SRGAP3: variants seen among roughly 807,000 people sequenced by gnomAD.
The protein encoded by SRGAP3 is SLIT-ROBO Rho GTPase activating protein 3.
In SRGAP3, 39 loss-of-function variants were observed where a neutral mutation model predicts 121.1. The ratio of observed to expected loss-of-function variants is 0.32; its 90% CI spans 0.25 to 0.42. The LOEUF (loss-of-function observed/expected upper bound fraction) is 0.42. Ranked by LOEUF, SRGAP3 falls within the 10% of genes least tolerant of loss-of-function variation. The pLI, the probability that SRGAP3 is intolerant of heterozygous loss-of-function variation, is 1.00. For missense variants in SRGAP3, 1,213 were observed against 1,470.6 expected, an observed-to-expected ratio of 0.82 and a Z score of 2.86; for synonymous variants, 601 against 570.0, an observed-to-expected ratio of 1.05 and a Z score of -0.77.
Position 9,064,449 on chromosome 3 carries a change from C to A in SRGAP3, c.619G>T (p.Asp207Tyr). 6.2e-7 allele frequency: 1 copy of A among 1,614,244 alleles called. No homozygotes were observed. The highest frequency in any genetic ancestry group is 8.5e-7 in the Non-Finnish European group (1 of 1,180,048). Residue 207 changes from aspartate (D) to tyrosine (Y), a missense_variant, in exon 5 of 22, where the codon GAC becomes TAC. By Grantham distance (160) the Asp-to-Tyr change is radical (BLOSUM62 -3). This residue lies in a region of SRGAP3 where 793 missense variants were observed against 1,032.9 expected (regional missense o/e 0.77). Transcript: ENST00000383836. Reference sequence around the variant, plus strand: ...ACAGAGCTGCGGCGCTGGGGCCGGTCCTCGTGCCGGAGCAGGTTCATGCTG... The same window carrying A: ...ACAGAGCTGCGGCGCTGGGGCCGGTACTCGTGCCGGAGCAGGTTCATGCTG... Reference protein sequence around the residue: ...DLSMNLLRHEDRPQRRSSVKK... With the variant: ...DLSMNLLRHEYRPQRRSSVKK...
At chr3:8,988,504 T>G (rs931916813) in intron 21 of SRGAP3, among the ~76,000 whole-genome samples, 5 of 152,098 alleles carry the variant, frequency 3.3e-5, no homozygotes, top group African/African-American at 1.2e-4. Flanking sequence ...GCTGTCAAAC[T>G]AGACAGGGTG....
intron 3 of SRGAP3, among the ~76,000 whole-genome samples, chr3:9,101,167 GTT>G (rs2124899859): frequency 6.6e-6 from 1 of 152,332 alleles, no homozygotes; most frequent in South Asian, 2.1e-4. Flanking sequence ...GGTAAGGAGC[GTT>G]CTTTATTGAG....
rs147859568 is a variant in SRGAP3, at chr3:9,037,577, G to A, written c.1436+486C>T. Reference sequence around the variant, plus strand: ...GTGGACGGCAGGAGAGTCTGTGCACGCCTATGCACATGCGTGTGCCCAGCT... The same window carrying A: ...GTGGACGGCAGGAGAGTCTGTGCACACCTATGCACATGCGTGTGCCCAGCT... On this transcript the variant is annotated intron_variant, in intron 11 of 21. Coordinates refer to ENST00000383836, the MANE Select transcript of SRGAP3 (RefSeq NM_014850.4). The A allele has an allele frequency of 3.8e-4, 72 of 191,810 alleles. 3 individuals carry two copies. The East Asian group carries it at 7.8e-3, about 21-fold the overall frequency. The allele number at this position is 191,810 out of a possible 1,614,324, so 11.9% of individuals were successfully genotyped here.
intron 14 of SRGAP3, among the ~76,000 whole-genome samples, chr3:9,016,160 CATTCAAAAAGAACATCTCAT>C (rs1331845928): frequency 6.6e-6 from 1 of 152,092 alleles, no homozygotes; most frequent in Admixed American, 6.5e-5. Context: ...GAAAATTAAC[CATTCAAAAAGAACATCTCAT>C]ATACAGCCCA....
chr3:9,189,777 C>T (rs896950201), intron 1 of SRGAP3, among the ~76,000 whole-genome samples: 4 of 152,210 alleles, frequency 2.6e-5, no homozygotes, highest in Admixed American at 1.3e-4. Flanking sequence ...GTCATTTTCA[C>T]TGTGGCCAAA....
At chr3:9,289,608 C>T (rs1414185704) in intron 3 of SRGAP3, among the ~76,000 whole-genome samples, 2 of 152,106 alleles carry the variant, frequency 1.3e-5, no homozygotes, top group Non-Finnish European at 2.9e-5. Context: ...CAACCAGCCC[C>T]GATGTTCAAG....
Position 9,068,545 on chromosome 3 carries a change from ACTCCACTGC to A in SRGAP3, c.487-3973_487-3965del, listed in dbSNP as rs565134823. On this transcript the variant is annotated intron_variant, in intron 4 of 21. Coordinates refer to ENST00000383836, the MANE Select transcript of SRGAP3 (RefSeq NM_014850.4). ...TTCCTGATTCCAAGAATAACAGTGA[ACTCCACTGC>A]CGAGGGTGACTTATGACAGACAGCT... Among the ~76,000 whole-genome samples the A allele has an allele frequency of 1.9e-3, 296 of 152,172 alleles. 1 individual carries two copies. The highest frequency in any genetic ancestry group is 6.0e-3 in the South Asian group (29 of 4,820).
chr3:9,317,509 C>G (rs527286600), intron 3 of SRGAP3, among the ~76,000 whole-genome samples: 1 of 152,232 alleles, frequency 6.6e-6, no homozygotes, highest in East Asian at 1.9e-4. Context: ...TGGGTAAAAT[C>G]AGAAGCTCTC....
intron 1 of SRGAP3, among the ~76,000 whole-genome samples, chr3:9,361,368 C>A (rs538348353): frequency 1.3e-5 from 2 of 152,162 alleles, no homozygotes; most frequent in African/African-American, 4.8e-5. Context: ...CCTCCCAAAG[C>A]GCTGGGACTA....
At chr3:9,189,312 T>G (rs1354773420) in intron 1 of SRGAP3, among the ~76,000 whole-genome samples, 1 of 152,200 alleles carries the variant, frequency 6.6e-6, no homozygotes, top group Non-Finnish European at 1.5e-5. Context: ...AACTGAAGGT[T>G]AGGAAATGTT....
chr3:9,304,569 G>A (rs1955125454), intron 3 of SRGAP3, among the ~76,000 whole-genome samples: 1 of 152,178 alleles, frequency 6.6e-6, no homozygotes, highest in South Asian at 2.1e-4. Context: ...TGACGCCCAG[G>A]TTCACCATGT....
intron 1 of SRGAP3, among the ~76,000 whole-genome samples, chr3:9,241,932 G>A (rs994941161): frequency 6.6e-6 from 1 of 151,912 alleles, no homozygotes; most frequent in African/African-American, 2.4e-5. Context: ...CAAAAAAAGA[G>A]CCAGGCATGG....
intron 4 of SRGAP3, among the ~76,000 whole-genome samples, chr3:9,073,646 T>C (rs1024076952): frequency 3.3e-5 from 5 of 152,070 alleles, no homozygotes; most frequent in Admixed American, 2.6e-4. Flanking sequence ...CCTCAAAGGG[T>C]TACGATGAGG....
intron 3 of SRGAP3, among the ~76,000 whole-genome samples, chr3:9,101,212 A>ACTC (rs1948203305): frequency 6.6e-6 from 1 of 152,218 alleles, no homozygotes. Context: ...GCTGCTGTAG[A>ACTC]GGATGATAAA....
rs186482221 is a variant in SRGAP3, at chr3:9,126,735, T to G, written c.68-1818A>C. 2.6e-5 allele frequency among the ~76,000 whole-genome samples: 4 copies of G among 151,342 alleles called. No homozygotes were observed. In the East Asian group the frequency reaches 7.8e-4, roughly 29 times the overall value. On this transcript the variant is annotated intron_variant, in intron 1 of 21. Transcript: ENST00000383836. ...GACCTAAATAATGTGTGCACTTGGA[T>G]GTACAGTGTGGAATGCTAGAGAACA... is the stretch of plus-strand genomic sequence containing the variant.
chr3:9,245,246 C>T lies in SRGAP3; in HGVS notation c.67+3639G>A, dbSNP rs551005890. On this transcript the variant is annotated intron_variant, in intron 1 of 21. Coordinates refer to ENST00000383836, the MANE Select transcript of SRGAP3 (RefSeq NM_014850.4). ...TGGTTGAACCTAAGTAGTGACTGCC[C>T]ATTTAGACAGAACATGTACTCTGAA... is the stretch of plus-strand genomic sequence containing the variant. 2.6e-5 allele frequency among the ~76,000 whole-genome samples: 4 copies of T among 152,312 alleles called. No homozygotes were observed. The South Asian group carries it at 8.3e-4, about 32-fold the overall frequency.
intron 10 of SRGAP3, among the ~76,000 whole-genome samples, chr3:9,040,207 C>T (rs1188424143): frequency 6.6e-6 from 1 of 152,238 alleles, no homozygotes; most frequent in Non-Finnish European, 1.5e-5. Flanking sequence ...TCTCTTTAAA[C>T]TGTAAATCAG....
intron 1 of SRGAP3, among the ~76,000 whole-genome samples, chr3:9,152,370 C>T (rs981749183): frequency 6.6e-6 from 1 of 152,190 alleles, no homozygotes; most frequent in Admixed American, 6.5e-5. Context: ...CATAGGCTGG[C>T]CTCAGCCAGC....
intron 1 of SRGAP3, among the ~76,000 whole-genome samples, chr3:9,155,513 C>T (rs1950387888): frequency 6.6e-6 from 1 of 152,118 alleles, no homozygotes; most frequent in Admixed American, 6.5e-5. Context: ...TCTTCTGGAA[C>T]TCTGCTTGGC....
Sources: allele counts gnomAD v4.1 joint callset (sites outside exome capture counted in the v4.1 genomes callset), GRCh38; gene constraint gnomAD v4.1.1; regional missense constraint gnomAD v4.1.1; transcripts MANE v1.5; gene names NCBI Gene and HGNC (gene_info 2026-07-23, HGNC 2026-07-21).